Variants in GAB1 observed in about 807,000 individuals in gnomAD.
The protein encoded by GAB1 is GRB2 associated binding protein 1.
GAB1 carries 19 observed loss-of-function variants against 66.5 expected under a neutral mutation model. The ratio of observed to expected loss-of-function variants is 0.29; its 90% confidence interval spans 0.20 to 0.42. The LOEUF (loss-of-function observed/expected upper bound fraction) is 0.42. Among genes scored for constraint, GAB1 ranks in the 10% least tolerant of loss-of-function variants. The probability of loss-of-function intolerance (pLI) is 1.00; values close to 1 mark genes in which losing one functional copy is unlikely to be tolerated. For synonymous variants in GAB1, 294 were observed against 301.4 expected, an observed-to-expected ratio of 0.98 and a Z score of 0.25; for missense variants, 732 against 858.5, an observed-to-expected ratio of 0.85 and a Z score of 1.84.
At position 143,409,765 on chromosome 4, in the gene GAB1, G is replaced by A. The variant is rs115313992; in HGVS notation, c.73-5712G>A. On this transcript the variant is annotated intron_variant, in intron 1 of 9. Coordinates refer to ENST00000262994, the MANE Select transcript of GAB1 (RefSeq NM_002039.4). ...AAGATATTTGCTAGTGGTAAATATT[G>A]TGAACAAAAATAGGAAGATAGAGAC... Among the ~76,000 whole-genome samples the A allele has an allele frequency of 2.7e-3, 407 of 152,256 alleles. 2 individuals carry two copies. The highest frequency in any genetic ancestry group is 9.6e-3 in the African/African-American group (397 of 41,548).
intron 1 of GAB1, among the ~76,000 whole-genome samples, chr4:143,370,205 C>T (rs1473378341): frequency 2.6e-5 from 4 of 152,086 alleles, no homozygotes; most frequent in Admixed American, 6.6e-5. Flanking sequence ...AATATCTGTA[C>T]GTGAGGAAGA....
chr4:143,411,253 A>T (rs555512177), intron 1 of GAB1, among the ~76,000 whole-genome samples: 107 of 152,202 alleles, frequency 7.0e-4, no homozygotes, highest in African/African-American at 2.2e-3. Flanking sequence ...TGGCTTCAGA[A>T]TTTGGTACTT....
intron 1 of GAB1, among the ~76,000 whole-genome samples, chr4:143,366,536 A>C (rs1010792706): frequency 6.6e-6 from 1 of 152,132 alleles, no homozygotes; most frequent in Non-Finnish European, 1.5e-5. Context: ...TGTTTTTTCT[A>C]AATGTATTTC....
At chr4:143,369,206 G>T (rs568193543) in intron 1 of GAB1, among the ~76,000 whole-genome samples, 2 of 152,216 alleles carry the variant, frequency 1.3e-5, no homozygotes, top group African/African-American at 4.8e-5. Flanking sequence ...CTCCCGGAGT[G>T]CTGGGATTAC....
intron 6 of GAB1, among the ~76,000 whole-genome samples, chr4:143,443,874 A>G (rs1276971741): frequency 1.3e-5 from 2 of 152,216 alleles, no homozygotes; most frequent in African/African-American, 2.4e-5. Context: ...TTGAAACTGC[A>G]GAAATACATA....
chr4:143,443,823 T>C (rs1289186750), intron 6 of GAB1, among the ~76,000 whole-genome samples: 4 of 152,194 alleles, frequency 2.6e-5, no homozygotes, highest in African/African-American at 7.2e-5. Context: ...TCAGCTGCTG[T>C]AGTTTGCATA....
chr4:143,446,814 C>T (rs1734578041), intron 6 of GAB1, among the ~76,000 whole-genome samples: 1 of 150,952 alleles, frequency 6.6e-6, no homozygotes, highest in Non-Finnish European at 1.5e-5. Flanking sequence ...TCCCATTTGT[C>T]AATTTTGGCT....
intron 1 of GAB1, among the ~76,000 whole-genome samples, chr4:143,403,421 G>C (rs1405626090): frequency 6.6e-6 from 1 of 152,026 alleles, no homozygotes; most frequent in Non-Finnish European, 1.5e-5. Context: ...AAAGTTGACA[G>C]AAAAAAGAAA....
Position 143,473,941 on chromosome 4 carries a change from TG to T in GAB1, c.*4755del. The T allele has an allele frequency of 6.6e-6, 1 of 152,160 alleles. No individual in the cohort carries two copies. Among genetic ancestry groups the T allele is most frequent in the Non-Finnish European group, 1.5e-5 (1 of 68,022 alleles). The allele number at this position is 152,160 out of a possible 1,614,324, so 9.4% of individuals were successfully genotyped here. On this transcript the variant is annotated 3_prime_UTR_variant, in exon 10 of 10. Coordinates refer to ENST00000262994, the MANE Select transcript of GAB1 (RefSeq NM_002039.4). ...GTCACCTTGTAAACCATGAGACTCCTGGGTATTTGCATGTAACTTCTTTGAG... is the reference window on the plus strand; with the variant it reads ...GTCACCTTGTAAACCATGAGACTCCTGGTATTTGCATGTAACTTCTTTGAG...
At chr4:143,439,593 A>T (rs1734116956) in intron 4 of GAB1, 1 of 491,918 alleles carries the variant, frequency 2.0e-6, no homozygotes, top group Admixed American at 3.4e-5. Flanking sequence ...AGATATTGGT[A>T]TTGGTTAGCA....
chr4:143,384,031 C>T lies in GAB1; in HGVS notation c.73-31446C>T, dbSNP rs544315048. Among the ~76,000 whole-genome samples the T allele has an allele frequency of 1.2e-4, 18 of 152,132 alleles. 1 individual carries two copies. Among genetic ancestry groups the T allele is most frequent in the Middle Eastern group, 6.8e-3 (2 of 292 alleles). On this transcript the variant is annotated intron_variant, in intron 1 of 9. Coordinates refer to ENST00000262994, the MANE Select transcript of GAB1 (RefSeq NM_002039.4). ...GAGGCTGCAGTGAGCTATGGTCGCA[C>T]CACTGCACTCCAGCCTGGGTGACAG...
chr4:143,407,682 T>A (rs533649721), intron 1 of GAB1, among the ~76,000 whole-genome samples: 54 of 152,300 alleles, frequency 3.5e-4, no homozygotes, highest in Non-Finnish European at 5.1e-4. Flanking sequence ...TTGGAACAGA[T>A]GATCATAATG....
At position 143,440,008 on chromosome 4, in the gene GAB1, G is replaced by T. The variant is rs1183159444; in HGVS notation, c.1282-71G>T. On this transcript the variant is annotated intron_variant, in intron 5 of 9. Coordinates refer to ENST00000262994, the MANE Select transcript of GAB1 (RefSeq NM_002039.4). The stretch of plus-strand genomic sequence containing the variant: ...TACGCTGAGATCCATATGAATGAGT[G>T]TGACTTACAATTGTGTTTTCATGTG... 6 of 1,453,666 alleles carry T rather than the reference G, an allele frequency of 4.1e-6. No individual in the cohort carries two copies. The Admixed American group carries it at 9.0e-5, about 22-fold the overall frequency. 90.0% of individuals were successfully genotyped at this position (1,453,666 alleles called of 1,614,324 possible). A position where few individuals can be genotyped will look rare whatever the true frequency, so the allele number is the denominator to read the frequency against.
At chr4:143,387,243 T>TGCCTCA (rs1157907594) in intron 1 of GAB1, among the ~76,000 whole-genome samples, 1 of 152,194 alleles carries the variant, frequency 6.6e-6, no homozygotes, top group Non-Finnish European at 1.5e-5. Flanking sequence ...GCAATTCTCC[T>TGCCTCA]GCCTCAGCCT....
chr4:143,357,855 A>C (rs1401166165), intron 1 of GAB1, among the ~76,000 whole-genome samples: 5 of 150,122 alleles, frequency 3.3e-5, no homozygotes, highest in African/African-American at 1.3e-4. Flanking sequence ...CTTAAGACTT[A>C]GTTTTAAATC....
chr4:143,341,557 T>C (rs1309465543), intron 1 of GAB1, among the ~76,000 whole-genome samples: 1 of 152,176 alleles, frequency 6.6e-6, no homozygotes, highest in Non-Finnish European at 1.5e-5. Flanking sequence ...CAGAGCAAGG[T>C]GGCCTGTTAG....
intron 1 of GAB1, among the ~76,000 whole-genome samples, chr4:143,348,655 C>A (rs1451248909): frequency 2.6e-5 from 4 of 152,236 alleles, no homozygotes; most frequent in Non-Finnish European, 5.9e-5. Flanking sequence ...TTCTGAAATA[C>A]CAATCTGATA....
Position 143,337,236 on chromosome 4 carries a change from C to A in GAB1, c.48C>A (p.Pro16=), listed in dbSNP as rs758369672. 1.7e-5 allele frequency: 27 copies of A among 1,584,158 alleles called. No homozygotes were observed. The highest frequency in any genetic ancestry group is 2.2e-5 in the Non-Finnish European group (26 of 1,164,946). The change falls in exon 1 of 10, where the codon CCC becomes CCA. Residue 16 remains proline (P), a synonymous_variant. Transcript: ENST00000262994. The stretch of plus-strand genomic sequence containing the variant: ...GCTCCGGATGGCTCCGCAAGTCCCC[C>A]CCGGAGAAAAAGTTGAAGCGTTATG... ...VVCSGWLRKS[P]PEKKLKRYAW...
At chr4:143,468,449 G>A (rs1029007310) in intron 9 of GAB1, among the ~76,000 whole-genome samples, 16 of 151,076 alleles carry the variant, frequency 1.1e-4, no homozygotes, top group African/African-American at 3.6e-4. Flanking sequence ...TCCTGACCTC[G>A]TGATCCACCC....
Sources: allele counts gnomAD v4.1 joint callset (sites outside exome capture counted in the v4.1 genomes callset), GRCh38; gene constraint gnomAD v4.1.1; transcripts MANE v1.5; gene names NCBI Gene and HGNC (gene_info 2026-07-23, HGNC 2026-07-21).